NF2: variants seen among roughly 807,000 people sequenced by gnomAD.
NF2 encodes NF2, moesin-ezrin-radixin like (MERLIN) tumor suppressor.
In NF2, 8 loss-of-function variants were observed where a neutral mutation model predicts 83.7. The ratio of observed to expected loss-of-function variants is 0.10; its 90% CI spans 0.06 to 0.17. The LOEUF (loss-of-function observed/expected upper bound fraction) is 0.17, where lower values mean the gene tolerates loss of function less well. NF2 is among the 10% of genes least tolerant of loss of function. NF2 has a pLI of 1.00. For synonymous variants in NF2, 266 were observed against 269.6 expected (o/e 0.99, Z 0.13); for missense variants, 533 against 744.4 (o/e 0.72, Z 3.31).
At chr22:29,621,871 G>C (rs575057205) in intron 1 of NF2, among the ~76,000 whole-genome samples, 1 of 152,196 alleles carries the variant, frequency 6.6e-6, no homozygotes, top group Non-Finnish European at 1.5e-5. Flanking sequence ...CTCATTTGTT[G>C]CTTGGCAGAA....
chr22:29,680,946 G>GT (rs66739096), intron 14 of NF2, among the ~76,000 whole-genome samples: 36 of 149,616 alleles, frequency 2.4e-4, no homozygotes, highest in African/African-American at 3.2e-4. Flanking sequence ...TTTCACGTAT[G>GT]TTTTTTTTTT....
chr22:29,663,525 C>A (rs1223174789), intron 8 of NF2, among the ~76,000 whole-genome samples: 5 of 152,174 alleles, frequency 3.3e-5, no homozygotes, highest in African/African-American at 7.2e-5. Context: ...TTGTGTACGC[C>A]CTGGCATGGT....
intron 9 of NF2, among the ~76,000 whole-genome samples, chr22:29,666,298 G>T (rs937897086): frequency 4.6e-5 from 7 of 151,808 alleles, no homozygotes; most frequent in Admixed American, 1.3e-4. Flanking sequence ...CCACTACCAC[G>T]CCCGGCTAAT....
At position 29,636,814 on chromosome 22, in the gene NF2, T is replaced by C. The variant is rs1383283673; in HGVS notation, c.178T>C (p.Trp60Arg). 6.2e-7 allele frequency: 1 copy of C among 1,614,150 alleles called. No individual in the cohort carries two copies. The highest frequency in any genetic ancestry group is 8.5e-7 in the Non-Finnish European group (1 of 1,180,028). ...VCRTLGLRET[W>R]FFGLQYTIKD... ...CCGGACTCTGGGGCTCCGAGAAACC[T>C]GGTTCTTTGGACTGCAGTACACAAT... is the stretch of plus-strand genomic sequence containing the variant. Residue 60 changes from tryptophan (W) to arginine (R), a missense_variant, in exon 2 of 16, where the codon TGG (tryptophan) becomes CGG (arginine). Coordinates refer to ENST00000338641, the MANE Select transcript of NF2 (RefSeq NM_000268.4). This position sits in a 1 kb window ranked among gnomAD's most constrained non-coding sequence, Gnocchi z 4.4.
intron 4 of NF2, among the ~76,000 whole-genome samples, chr22:29,642,954 A>G (rs1026103983): frequency 4.0e-5 from 6 of 149,108 alleles, no homozygotes. Flanking sequence ...TTAAATCACT[A>G]TAGACCTTTT....
chr22:29,648,128 C>T (rs983930896), intron 4 of NF2, among the ~76,000 whole-genome samples: 1 of 99,998 alleles, frequency 1.0e-5, no homozygotes, highest in Non-Finnish European at 2.0e-5. Context: ...GAGACTCCAT[C>T]TCAAAATAAA....
At chr22:29,673,234 G>A (rs1402805125) in intron 11 of NF2, 35 bp from the exon 12 acceptor site, 1 of 1,550,192 alleles carries the variant, frequency 6.5e-7, no homozygotes, top group Non-Finnish European at 8.7e-7. Flanking sequence ...AACAGCACAT[G>A]ATCCCACTTC....
chr22:29,668,341 G>A lies in NF2; in HGVS notation c.894G>A (p.Gln298=). The change falls in exon 10 of 16, where the codon CAG becomes CAA. Residue 298 remains glutamine, a synonymous_variant. Transcript: ENST00000338641. ...SKLRVNKLIL[Q]LCIGNHDLFM... is the part of the protein sequence containing the mutation. The stretch of plus-strand genomic sequence containing the variant: ...TGCTTCTGTGGCCACAGATTCTCCA[G>A]CTATGTATCGGGAACCATGATCTAT... The A allele has an allele frequency of 2.5e-6, 4 of 1,613,262 alleles. No homozygotes were observed. The highest frequency in any genetic ancestry group is 3.4e-6 in the Non-Finnish European group (4 of 1,179,312).
chr22:29,693,094 T>C (rs926906633), intron 15 of NF2, among the ~76,000 whole-genome samples: 3 of 152,232 alleles, frequency 2.0e-5, no homozygotes, highest in Admixed American at 2.0e-4. Flanking sequence ...TCTCTCATTT[T>C]TGCCCCAGTA....
intron 4 of NF2, among the ~76,000 whole-genome samples, chr22:29,647,779 G>T (rs1175573527): frequency 6.6e-6 from 1 of 151,956 alleles, no homozygotes; most frequent in East Asian, 1.9e-4. Flanking sequence ...GATTTAATAT[G>T]GTAACCACTG....
intron 1 of NF2, among the ~76,000 whole-genome samples, chr22:29,614,009 A>G (rs967076889): frequency 1.4e-4 from 21 of 150,730 alleles, no homozygotes; most frequent in African/African-American, 5.1e-4. Flanking sequence ...CACCTGCCTC[A>G]GCCTCCCAAA....
At chr22:29,671,050 G>A (rs1255771207) in intron 10 of NF2, among the ~76,000 whole-genome samples, 1 of 152,164 alleles carries the variant, frequency 6.6e-6, no homozygotes, top group African/African-American at 2.4e-5. Context: ...ATGTGAGAGG[G>A]GTCCATGTGG....
At chr22:29,663,777 T>G (rs1187404990) in intron 8 of NF2, among the ~76,000 whole-genome samples, 1 of 152,252 alleles carries the variant, frequency 6.6e-6, no homozygotes, top group African/African-American at 2.4e-5. Flanking sequence ...ATTTATCTGC[T>G]TAGCAAGTCT....
chr22:29,656,087 C>T (rs771873122), intron 6 of NF2, among the ~76,000 whole-genome samples: 17 of 151,912 alleles, frequency 1.1e-4, no homozygotes, highest in Non-Finnish European at 2.1e-4. Context: ...TACAGGCACA[C>T]GCCACCATGC....
intron 15 of NF2, among the ~76,000 whole-genome samples, chr22:29,692,144 C>A (rs960655369): frequency 6.6e-6 from 1 of 152,202 alleles, no homozygotes; most frequent in African/African-American, 2.4e-5. Context: ...GCAGCCCTTG[C>A]TGACCAGTGC....
intron 1 of NF2, among the ~76,000 whole-genome samples, chr22:29,623,860 A>G (rs2065277204): frequency 6.6e-6 from 1 of 152,164 alleles, no homozygotes; most frequent in South Asian, 2.1e-4. Flanking sequence ...AGTTCTTCTG[A>G]AAGATGAGGG....
chr22:29,611,518 A>AAAAC lies in NF2; in HGVS notation c.114+7426_114+7429dup, dbSNP rs536446876. Reference sequence around the variant, plus strand: ...CACAATAGGCTGGGCGACAGAGCTCAAAACAAACAAACAAACAAACAAAAT... The same window carrying AAAAC: ...CACAATAGGCTGGGCGACAGAGCTCAAAACAAACAAACAAACAAACAAACAAAAT... On this transcript the variant is annotated intron_variant, in intron 1 of 15. Coordinates refer to ENST00000338641, the MANE Select transcript of NF2 (RefSeq NM_000268.4). Among the ~76,000 whole-genome samples the AAAAC allele has an allele frequency of 1.3e-3, 200 of 152,220 alleles. 3 individuals are homozygous for AAAAC. The East Asian group carries it at 0.032, about 24-fold the overall frequency.
rs192755300 is a variant in NF2, at chr22:29,683,784, G to A, written c.1737+2183G>A. On this transcript the variant is annotated intron_variant, in intron 15 of 15. Transcript: ENST00000338641. The stretch of plus-strand genomic sequence containing the variant: ...CACTCACGGCACCCTGGAGAGGAGC[G>A]GTCACTGGTTGCTGAGTGAATTAAC... 402 of 1,063,028 alleles carry A rather than the reference G, an allele frequency of 3.8e-4. 2 individuals carry two copies. Among genetic ancestry groups the A allele is most frequent in the Non-Finnish European group, 1.8e-4 (160 of 877,904 alleles). 65.8% of individuals were successfully genotyped at this position (1,063,028 alleles called of 1,614,324 possible).
chr22:29,634,636 G>A (rs1246442460), intron 1 of NF2, among the ~76,000 whole-genome samples: 1 of 152,160 alleles, frequency 6.6e-6, no homozygotes, highest in Non-Finnish European at 1.5e-5. Context: ...CCTTTTCCAA[G>A]TTAATGCCTG....
Sources: gnomAD v4.1 joint callset for allele counts (sites outside exome capture counted in the v4.1 genomes callset) on GRCh38, gnomAD v4.1.1 for gene constraint, Gnocchi (gnomAD v3.1) non-coding constraint, MANE v1.5 for transcripts, NCBI Gene and HGNC (gene_info 2026-07-23, HGNC 2026-07-21) for gene names.